The following AGAP1 variants were observed in gnomAD, a reference collection of about 807,000 sequenced individuals.
AGAP1 encodes the protein arf-GAP with GTPase, ANK repeat and PH domain-containing protein 1.
A neutral mutation model predicts 105.3 loss-of-function variants in AGAP1; 29 were observed. The observed-to-expected ratio is 0.28, with a 90% CI of 0.21 to 0.38. The LOEUF (loss-of-function observed/expected upper bound fraction) is 0.38, where lower values mean the gene tolerates loss of function less well. AGAP1 is among the 10% of genes least tolerant of loss of function. The pLI is 1.00. For synonymous variants in AGAP1, 509 were observed against 485.9 expected, an observed-to-expected ratio of 1.05 and a Z score of -0.63; for missense variants, 998 against 1,165.1, an observed-to-expected ratio of 0.86 and a Z score of 2.09.
At chr2:236,069,462 C>T (rs2058440482) in intron 16 of AGAP1, among the ~76,000 whole-genome samples, 1 of 152,192 alleles carries the variant, frequency 6.6e-6, no homozygotes, top group African/African-American at 2.4e-5. Context: ...CTCCCTCTGT[C>T]ACCCAGTCTG....
intron 13 of AGAP1, among the ~76,000 whole-genome samples, chr2:235,972,843 T>G (rs535490231): frequency 6.6e-6 from 1 of 152,094 alleles, no homozygotes; most frequent in East Asian, 1.9e-4. Flanking sequence ...GAAACGAAGC[T>G]CTAGAGGGCA....
chr2:235,950,291 T>C (rs1248719135), intron 12 of AGAP1, among the ~76,000 whole-genome samples: 1 of 152,188 alleles, frequency 6.6e-6, no homozygotes, highest in Non-Finnish European at 1.5e-5. Flanking sequence ...GCACAAGGAC[T>C]TGGGCTGGTG....
intron 6 of AGAP1, among the ~76,000 whole-genome samples, chr2:235,772,667 A>C (rs933035030): frequency 2.0e-5 from 3 of 152,216 alleles, no homozygotes; most frequent in Non-Finnish European, 2.9e-5. Context: ...ATGTGTCTGT[A>C]GCTTGGGCCT....
rs182209455 is a variant in AGAP1, at chr2:235,608,296, G to A, written c.164-100883G>A. ...ATCAGAGCAGGCTGGATCCATGGCC[G>A]TATTCTGTAAAATTCCATTGTGTCT... is the stretch of plus-strand genomic sequence containing the variant. On this transcript the variant is annotated intron_variant, in intron 1 of 17. Coordinates refer to ENST00000304032, the MANE Select transcript of AGAP1 (RefSeq NM_001037131.3). This position sits in a 1 kb window ranked among gnomAD's most constrained non-coding sequence, Gnocchi z 5.4. Among the ~76,000 whole-genome samples, 319 of 152,314 alleles carry A rather than the reference G, an allele frequency of 2.1e-3. No individual in the cohort carries two copies. The Middle Eastern group carries it at 0.024, about 11-fold the overall frequency.
chr2:235,826,093 C>T (rs964123216), intron 9 of AGAP1, among the ~76,000 whole-genome samples: 31 of 152,288 alleles, frequency 2.0e-4, no homozygotes, highest in African/African-American at 4.1e-4. Flanking sequence ...GCTAACGTGG[C>T]GCCATGCCCT....
intron 1 of AGAP1, chr2:235,671,022 C>T (rs1948386539): frequency 1.5e-6 from 2 of 1,310,648 alleles, no homozygotes; most frequent in Non-Finnish European, 9.7e-7. Context: ...GCGCACTCGT[C>T]CAGCGCCGAG....
intron 6 of AGAP1, among the ~76,000 whole-genome samples, chr2:235,779,892 A>C (rs2149920437): frequency 6.6e-6 from 1 of 152,372 alleles, no homozygotes; most frequent in East Asian, 1.9e-4. Flanking sequence ...AAAGGGCAGC[A>C]GCAGCAAAAT....
chr2:235,588,154 C>T (rs1559270089), intron 1 of AGAP1, among the ~76,000 whole-genome samples: 2 of 151,018 alleles, frequency 1.3e-5, no homozygotes, highest in South Asian at 4.2e-4. Context: ...TGCTTGAACC[C>T]GAGAGGTGGA....
Position 236,036,216 on chromosome 2 carries a change from G to T in AGAP1, c.1646-345G>T, listed in dbSNP as rs2123508. Among the ~76,000 whole-genome samples, 13 of 151,922 alleles carry T rather than the reference G, an allele frequency of 8.6e-5. No homozygotes were observed. Among genetic ancestry groups the T allele is most frequent in the Admixed American group, 7.9e-4 (12 of 15,262 alleles). On this transcript the variant is annotated intron_variant, in intron 13 of 17. Coordinates refer to ENST00000304032, the MANE Select transcript of AGAP1 (RefSeq NM_001037131.3). The surrounding 1 kb of genome is among the most constrained non-coding windows in gnomAD (Gnocchi z 5.7). ...GATTAGCGGCCCTAACTTAATTTTC[G>T]TCCCACAGATAAGGATGGTCAGCCA...
chr2:235,724,038 G>A lies in AGAP1; in HGVS notation c.310+6394G>A, dbSNP rs1237795252. On this transcript the variant is annotated intron_variant, in intron 3 of 17. Transcript: ENST00000304032. This position sits in a 1 kb window ranked among gnomAD's most constrained non-coding sequence, Gnocchi z 4.9. Reference sequence around the variant, plus strand: ...CTGCCGCCACACAGAGGGATTTGCAGGGAAGGGCCTTAGCCAGGCATGATG... The same window carrying A: ...CTGCCGCCACACAGAGGGATTTGCAAGGAAGGGCCTTAGCCAGGCATGATG... Among the ~76,000 whole-genome samples the A allele has an allele frequency of 6.6e-6, 1 of 152,216 alleles. No homozygotes were observed. Among genetic ancestry groups the A allele is most frequent in the African/African-American group, 2.4e-5 (1 of 41,460 alleles).
chr2:235,739,233 C>T lies in AGAP1; in HGVS notation c.311-1730C>T, dbSNP rs1952434872. On this transcript the variant is annotated intron_variant, in intron 3 of 17. Coordinates refer to ENST00000304032, the MANE Select transcript of AGAP1 (RefSeq NM_001037131.3). This position sits in a 1 kb window ranked among gnomAD's most constrained non-coding sequence, Gnocchi z 5.3. Reference sequence around the variant, plus strand: ...GGTTCAGGCAGAGCTAGGCCAGTATCGGGGTCTGGGGGCGACCGTCTGCAG... The same window carrying T: ...GGTTCAGGCAGAGCTAGGCCAGTATTGGGGTCTGGGGGCGACCGTCTGCAG... 6.6e-6 allele frequency among the ~76,000 whole-genome samples: 1 copy of T among 152,228 alleles called. No homozygotes were observed. Among genetic ancestry groups the T allele is most frequent in the Non-Finnish European group, 1.5e-5 (1 of 68,050 alleles).
chr2:235,511,870 G>GTATATGTGGA (rs1387348301), intron 1 of AGAP1, among the ~76,000 whole-genome samples: 1 of 149,784 alleles, frequency 6.7e-6, no homozygotes, highest in Non-Finnish European at 1.5e-5. Flanking sequence ...GAATGTGTGT[G>GTATATGTGGA]TGTATGTGAA....
Position 235,872,206 on chromosome 2 carries a change from A to G in AGAP1, c.1051-11139A>G, listed in dbSNP as rs1335745126. Among the ~76,000 whole-genome samples, 1 of 152,178 alleles carries G rather than the reference A, an allele frequency of 6.6e-6. No homozygotes were observed. Among genetic ancestry groups the G allele is most frequent in the Admixed American group, 6.5e-5 (1 of 15,288 alleles). The stretch of plus-strand genomic sequence containing the variant: ...CACTTTCAGTGGGTTAACAGTTGCA[A>G]GGCACTTAGAGCAGCAGCATCTGGT... On this transcript the variant is annotated intron_variant, in intron 9 of 17. Transcript: ENST00000304032. The surrounding 1 kb of genome is among the most constrained non-coding windows in gnomAD (Gnocchi z 4.5).
At chr2:235,954,629 C>T (rs566627195) in intron 12 of AGAP1, among the ~76,000 whole-genome samples, 3 of 151,204 alleles carry the variant, frequency 2.0e-5, no homozygotes, top group South Asian at 4.2e-4. Flanking sequence ...CATGTTTGCA[C>T]GTTCTTTAGG....
chr2:235,758,335 G>A lies in AGAP1; in HGVS notation c.673+7847G>A, dbSNP rs556550533. Among the ~76,000 whole-genome samples, 122 of 152,168 alleles carry A rather than the reference G, an allele frequency of 8.0e-4. No individual in the cohort carries two copies. In the South Asian group the frequency reaches 8.9e-3, roughly 11 times the overall value. ...ACTAATAATTATGCAACAATTTAAC[G>A]GCTTATGATGTAGGATAGTGGATCT... is the stretch of plus-strand genomic sequence containing the variant. On this transcript the variant is annotated intron_variant, in intron 6 of 17. Coordinates refer to ENST00000304032, the MANE Select transcript of AGAP1 (RefSeq NM_001037131.3).
chr2:235,537,101 G>A (rs1943263320), intron 1 of AGAP1, among the ~76,000 whole-genome samples: 3 of 152,190 alleles, frequency 2.0e-5, no homozygotes, highest in South Asian at 2.1e-4. Flanking sequence ...AGACTCAAAC[G>A]CATCTTCACA....
intron 9 of AGAP1, among the ~76,000 whole-genome samples, chr2:235,852,369 C>T (rs1303910406): frequency 2.0e-5 from 3 of 152,152 alleles, no homozygotes; most frequent in Non-Finnish European, 4.4e-5. Flanking sequence ...CAGGGCCCTC[C>T]TAGCGTGCGC....
intron 2 of AGAP1, among the ~76,000 whole-genome samples, chr2:235,710,830 G>A (rs554014395): frequency 5.5e-4 from 84 of 152,330 alleles, no homozygotes; most frequent in African/African-American, 1.8e-3. Flanking sequence ...TGATGGGCAC[G>A]GAACAGTAGT....
chr2:235,930,371 G>A lies in AGAP1; in HGVS notation c.1325-394G>A, dbSNP rs1481085259. Among the ~76,000 whole-genome samples, 1 of 152,190 alleles carries A rather than the reference G, an allele frequency of 6.6e-6. No homozygotes were observed. On this transcript the variant is annotated intron_variant, in intron 11 of 17. Coordinates refer to ENST00000304032, the MANE Select transcript of AGAP1 (RefSeq NM_001037131.3). This position sits in a 1 kb window ranked among gnomAD's most constrained non-coding sequence, Gnocchi z 7.9. ...GTGATCATTTTCTGTTCCATTGGTAGGGTGACATGGCCGGGCTCCTGGAGC... is the reference window on the plus strand; with the variant it reads ...GTGATCATTTTCTGTTCCATTGGTAAGGTGACATGGCCGGGCTCCTGGAGC...
Sources: gnomAD v4.1 joint callset for allele counts (sites outside exome capture counted in the v4.1 genomes callset) on GRCh38, gnomAD v4.1.1 for gene constraint, Gnocchi (gnomAD v3.1) non-coding constraint, MANE v1.5 for transcripts, NCBI Gene and HGNC (gene_info 2026-07-23, HGNC 2026-07-21) for gene names.